The following NR6A1 variants were observed in gnomAD, a reference collection of about 807,000 sequenced individuals.
The protein encoded by NR6A1 is nuclear receptor subfamily 6 group A member 1, also known as retinoic acid receptor-related testis-associated receptor.
Under a neutral mutation model 59.1 loss-of-function variants are expected in NR6A1, and 7 were observed. That is an observed-to-expected ratio of 0.12 (90% CI 0.07 to 0.22). The LOEUF is 0.22. Among genes scored for constraint, NR6A1 ranks in the 10% least tolerant of loss-of-function variants. The probability of loss-of-function intolerance (pLI) is 1.00; values close to 1 mark genes in which losing one functional copy is unlikely to be tolerated. For missense variants in NR6A1, 468 were observed against 611.6 expected (o/e 0.77, Z 2.48); for synonymous variants, 243 against 236.1 (o/e 1.03, Z -0.27).
intron 2 of NR6A1, among the ~76,000 whole-genome samples, chr9:124,643,101 T>TGGGGG (rs539674589): frequency 3.2e-5 from 1 of 31,264 alleles, no homozygotes; most frequent in Admixed American, 4.0e-4. Context: ...AGCCCTCGGG[T>TGGGGG]GGGGGGGGGG....
chr9:124,603,872 C>T (rs1835511438), intron 2 of NR6A1, among the ~76,000 whole-genome samples: 1 of 152,192 alleles, frequency 6.6e-6, no homozygotes, highest in Non-Finnish European at 1.5e-5. Context: ...TCCAGCAAAT[C>T]TTACCCATAC....
chr9:124,526,283 T>C (rs1349122724), intron 8 of NR6A1, among the ~76,000 whole-genome samples: 3 of 144,874 alleles, frequency 2.1e-5, no homozygotes, highest in Non-Finnish European at 2.9e-5. Flanking sequence ...TGTGTGTATG[T>C]GTGTATGTGT....
intron 2 of NR6A1, among the ~76,000 whole-genome samples, chr9:124,633,464 G>A (rs1300592459): frequency 1.3e-5 from 2 of 151,772 alleles, no homozygotes; most frequent in Non-Finnish European, 2.9e-5. Flanking sequence ...GAAGGGGTAG[G>A]GTAAAGAGAA....
intron 2 of NR6A1, among the ~76,000 whole-genome samples, chr9:124,696,999 T>C (rs115132784): frequency 0.016 from 2,507 of 152,278 alleles, 77 homozygotes; most frequent in East Asian, 0.15. Context: ...CATCTTTCCA[T>C]ATCGATATAT....
intron 2 of NR6A1, among the ~76,000 whole-genome samples, chr9:124,691,669 G>C (rs1001774490): frequency 6.6e-6 from 1 of 152,150 alleles, no homozygotes. Context: ...AAGAAGAAAT[G>C]CAAGCTTTAC....
chr9:124,693,613 G>A (rs1838640500), intron 2 of NR6A1: 1 of 459,114 alleles, frequency 2.2e-6, no homozygotes, highest in Non-Finnish European at 4.5e-6. Flanking sequence ...GGTTACTAAG[G>A]GAGAAGCCAG....
At chr9:124,652,324 G>A (rs189146922) in intron 2 of NR6A1, among the ~76,000 whole-genome samples, 1 of 152,224 alleles carries the variant, frequency 6.6e-6, no homozygotes, top group East Asian at 1.9e-4. Flanking sequence ...AAGGAGAAGG[G>A]TATGACTTTT....
At position 124,733,368 on chromosome 9, in the gene NR6A1, G is replaced by GA. The variant is rs141338224; in HGVS notation, c.101-20dup. On this transcript the variant is annotated intron_variant, in intron 1 of 9. Transcript: ENST00000487099. ...CAGAAACCTAAAGAGAAAACAATAG[G>GA]AAAAAAAATTACAATTTGTGAATTA... is the stretch of plus-strand genomic sequence containing the variant. The GA allele has an allele frequency of 2.4e-5, 39 of 1,601,730 alleles. No individual in the cohort carries two copies. The highest frequency in any genetic ancestry group is 5.4e-5 in the African/African-American group (4 of 74,398).
At chr9:124,679,458 C>T (rs1278527487) in intron 2 of NR6A1, among the ~76,000 whole-genome samples, 1 of 152,198 alleles carries the variant, frequency 6.6e-6, no homozygotes, top group Non-Finnish European at 1.5e-5. Flanking sequence ...AGCAGATCCG[C>T]ACCTGCCCCC....
At chr9:124,550,551 T>A (rs1833748166) in intron 3 of NR6A1, among the ~76,000 whole-genome samples, 1 of 149,642 alleles carries the variant, frequency 6.7e-6, no homozygotes. Flanking sequence ...ATAGACGGGG[T>A]TTCAGCATGA....
At chr9:124,752,802 A>ACAG (rs1840542522) in intron 1 of NR6A1, among the ~76,000 whole-genome samples, 1 of 151,534 alleles carries the variant, frequency 6.6e-6, no homozygotes, top group Non-Finnish European at 1.5e-5. Context: ...ATCCTATCTC[A>ACAG]CAGCAGTTAA....
intron 2 of NR6A1, among the ~76,000 whole-genome samples, chr9:124,657,190 T>C (rs1421081603): frequency 6.6e-6 from 1 of 152,168 alleles, no homozygotes; most frequent in Non-Finnish European, 1.5e-5. Flanking sequence ...AAACAGCTTT[T>C]CTCGGGTTAA....
intron 1 of NR6A1, among the ~76,000 whole-genome samples, chr9:124,766,401 G>T (rs1421702782): frequency 6.6e-6 from 1 of 152,224 alleles, no homozygotes; most frequent in African/African-American, 2.4e-5. Flanking sequence ...TATGTGGGCA[G>T]ATTAGATAGC....
At chr9:124,652,724 T>C (rs1173039597) in intron 2 of NR6A1, among the ~76,000 whole-genome samples, 1 of 152,162 alleles carries the variant, frequency 6.6e-6, no homozygotes, top group African/African-American at 2.4e-5. Flanking sequence ...CCAAGTCACA[T>C]TGCAACAGCA....
chr9:124,735,199 T>C (rs1022971394), intron 1 of NR6A1, among the ~76,000 whole-genome samples: 3 of 152,196 alleles, frequency 2.0e-5, no homozygotes, highest in African/African-American at 7.2e-5. Flanking sequence ...ACATGCCACA[T>C]TCTTTCTTGC....
intron 1 of NR6A1, among the ~76,000 whole-genome samples, chr9:124,756,203 T>C (rs1039878978): frequency 3.3e-5 from 5 of 152,224 alleles, no homozygotes; most frequent in South Asian, 2.1e-4. Flanking sequence ...CAAGACAGCT[T>C]TTGTAGTTCA....
chr9:124,584,806 AG>A (rs1235206003), intron 2 of NR6A1, among the ~76,000 whole-genome samples: 1 of 152,160 alleles, frequency 6.6e-6, no homozygotes, highest in African/African-American at 2.4e-5. Flanking sequence ...TTCAAGTGAA[AG>A]GAAGAGCCAC....
chr9:124,561,345 G>C (rs1834079076), intron 2 of NR6A1, among the ~76,000 whole-genome samples: 1 of 152,052 alleles, frequency 6.6e-6, no homozygotes, highest in Non-Finnish European at 1.5e-5. Flanking sequence ...GGCTGAGGTA[G>C]GAGTATCACC....
chr9:124,645,310 G>A (rs1249135058), intron 2 of NR6A1, among the ~76,000 whole-genome samples: 1 of 152,162 alleles, frequency 6.6e-6, no homozygotes, highest in Non-Finnish European at 1.5e-5. Flanking sequence ...TAATCACTTT[G>A]AACATCAATG....
Sources: allele counts gnomAD v4.1 joint callset (sites outside exome capture counted in the v4.1 genomes callset), GRCh38; gene constraint gnomAD v4.1.1; transcripts MANE v1.5; gene names NCBI Gene and HGNC (gene_info 2026-07-23, HGNC 2026-07-21).